SNX24: variants seen among roughly 807,000 people sequenced by gnomAD.
SNX24 encodes the protein sorting nexin-24.
SNX24 carries 22 observed loss-of-function variants against 28.7 expected under a neutral mutation model. That is an observed-to-expected ratio of 0.77 (90% CI 0.55 to 1.10). The LOEUF (loss-of-function observed/expected upper bound fraction) is 1.10. SNX24 is among the 50% of genes least tolerant of loss of function. The pLI, the probability that SNX24 is intolerant of heterozygous loss-of-function variation, is 0.00. For synonymous variants in SNX24, 69 were observed against 71.5 expected (o/e 0.96, Z 0.18); for missense variants, 221 against 201.1 (o/e 1.10, Z -0.60).
chr5:123,028,573 C>T (rs1230100118), intron 5 of SNX24: 1 of 461,192 alleles, frequency 2.2e-6, no homozygotes, highest in African/African-American at 2.0e-5. Context: ...CCAAAACAAT[C>T]CTGCTTAAAA....
intron 3 of SNX24, among the ~76,000 whole-genome samples, chr5:122,993,289 G>A (rs1761929716): frequency 6.9e-6 from 1 of 145,340 alleles, no homozygotes; most frequent in East Asian, 2.0e-4. Flanking sequence ...AATCTGTTTA[G>A]TGGCTGCCTT....
chr5:122,903,922 G>A (rs549426356), intron 1 of SNX24, among the ~76,000 whole-genome samples: 1 of 152,078 alleles, frequency 6.6e-6, no homozygotes, highest in East Asian at 1.9e-4. Context: ...TACACAATAT[G>A]TTTCAATAAT....
intron 1 of SNX24, among the ~76,000 whole-genome samples, chr5:122,884,251 CTTTTTTT>C (rs758617172): frequency 2.2e-5 from 2 of 92,754 alleles, no homozygotes; most frequent in African/African-American, 4.4e-5. Context: ...GTTTCTTTTT[CTTTTTTT>C]TTTTTTTTTT....
chr5:122,989,729 C>T (rs899616859), intron 3 of SNX24, among the ~76,000 whole-genome samples: 2 of 152,312 alleles, frequency 1.3e-5, no homozygotes, highest in African/African-American at 4.8e-5. Context: ...ATCTGGAAAA[C>T]TCCCAGAAAA....
At chr5:122,969,448 A>C (rs1191129292) in intron 3 of SNX24, among the ~76,000 whole-genome samples, 1 of 152,226 alleles carries the variant, frequency 6.6e-6, no homozygotes, top group Non-Finnish European at 1.5e-5. Flanking sequence ...TTTTCAAAAA[A>C]AAAACTTTAC....
At chr5:123,017,428 GT>G (rs11341488) in intron 5 of SNX24, among the ~76,000 whole-genome samples, 29,092 of 134,040 alleles carry the variant, frequency 0.22, 5,741 homozygotes, top group African/African-American at 0.54. Context: ...ATAAAAAGTT[GT>G]TTTTTTTTTT....
chr5:122,858,518 C>G (rs1755309273), intron 1 of SNX24, among the ~76,000 whole-genome samples: 1 of 152,178 alleles, frequency 6.6e-6, no homozygotes, highest in Non-Finnish European at 1.5e-5. Flanking sequence ...GTCAATGAGT[C>G]TTTAGAATAA....
At chr5:122,891,203 T>C in intron 1 of SNX24, 1 of 1,297,800 alleles carries the variant, frequency 7.7e-7, no homozygotes, top group Non-Finnish European at 1.0e-6. Flanking sequence ...ATTTTTCTGG[T>C]TGAAATGGTT....
chr5:122,937,480 T>C (rs970932766), intron 2 of SNX24, among the ~76,000 whole-genome samples: 4 of 152,230 alleles, frequency 2.6e-5, no homozygotes, highest in Non-Finnish European at 5.9e-5. Context: ...TTCTTTATTT[T>C]CTACCTAAAT....
At chr5:122,856,297 A>G (rs76506127) in intron 1 of SNX24, among the ~76,000 whole-genome samples, 1 of 152,126 alleles carries the variant, frequency 6.6e-6, no homozygotes, top group East Asian at 1.9e-4. Context: ...CACAAAGGAC[A>G]TGATCTTGTT....
chr5:122,931,009 A>T (rs958684007), intron 1 of SNX24, among the ~76,000 whole-genome samples: 4 of 152,120 alleles, frequency 2.6e-5, no homozygotes, highest in Non-Finnish European at 1.5e-5. Flanking sequence ...GTTTCCAAAA[A>T]CCTCTATCTG....
intron 5 of SNX24, among the ~76,000 whole-genome samples, chr5:123,014,627 G>T (rs2150185441): frequency 6.6e-6 from 1 of 152,210 alleles, no homozygotes; most frequent in Non-Finnish European, 1.5e-5. Flanking sequence ...AGGGCTCTTT[G>T]ATTTCATTTT....
At chr5:122,976,307 A>C (rs112390044) in intron 3 of SNX24, among the ~76,000 whole-genome samples, 32,997 of 150,390 alleles carry the variant, frequency 0.22, 4,689 homozygotes, top group Non-Finnish European at 0.33. Flanking sequence ...AAAAAAAAAA[A>C]AAACAGGCAA....
At chr5:122,973,638 C>T (rs538943178) in intron 3 of SNX24, among the ~76,000 whole-genome samples, 1 of 152,172 alleles carries the variant, frequency 6.6e-6, no homozygotes, top group African/African-American at 2.4e-5. Context: ...TATATCACTT[C>T]CATTTAATGG....
intron 3 of SNX24, among the ~76,000 whole-genome samples, chr5:122,995,712 T>G (rs1217363791): frequency 1.3e-5 from 2 of 152,202 alleles, no homozygotes; most frequent in Non-Finnish European, 2.9e-5. Flanking sequence ...TGTCCAAACT[T>G]GTCATATTAA....
At chr5:122,880,247 T>G (rs1023935353) in intron 1 of SNX24, among the ~76,000 whole-genome samples, 1 of 151,910 alleles carries the variant, frequency 6.6e-6, no homozygotes, top group Non-Finnish European at 1.5e-5. Context: ...TCTGAGATAC[T>G]GGTGTTTCGG....
intron 1 of SNX24, among the ~76,000 whole-genome samples, chr5:122,888,829 C>G (rs1756827062): frequency 2.0e-5 from 3 of 152,140 alleles, no homozygotes; most frequent in Admixed American, 1.3e-4. Flanking sequence ...TCTTGGAATT[C>G]TGTAAGTTAT....
chr5:123,001,346 A>G (rs1762237855), intron 4 of SNX24, 59 bp from the exon 5 acceptor site: 4 of 1,154,962 alleles, frequency 3.5e-6, no homozygotes, highest in South Asian at 2.7e-5. Context: ...CTTTGTTGGC[A>G]TAAACATTGA....
intron 3 of SNX24, among the ~76,000 whole-genome samples, chr5:122,985,419 G>T (rs1761559267): frequency 6.6e-6 from 1 of 152,166 alleles, no homozygotes; most frequent in Admixed American, 6.5e-5. Context: ...CCACTTGGTG[G>T]ATCTGGGCTT....
Sources: gnomAD v4.1 joint callset for allele counts (sites outside exome capture counted in the v4.1 genomes callset) on GRCh38, gnomAD v4.1.1 for gene constraint, MANE v1.5 for transcripts, NCBI Gene and HGNC (gene_info 2026-07-23, HGNC 2026-07-21) for gene names.